PHLDB2: variants seen among roughly 807,000 people sequenced by gnomAD.
PHLDB2 encodes pleckstrin homology-like domain family B member 2.
A neutral mutation model predicts 123.6 loss-of-function variants in PHLDB2; 71 were observed. That is an observed-to-expected ratio of 0.57 (90% CI 0.47 to 0.70). PHLDB2 has a LOEUF of 0.70. PHLDB2 is among the 30% of genes least tolerant of loss of function. The probability of loss-of-function intolerance (pLI) is 0.00; values close to 1 mark genes in which losing one functional copy is unlikely to be tolerated. For synonymous variants in PHLDB2, 547 were observed against 541.6 expected (o/e 1.01, Z -0.14); for missense variants, 1,446 against 1,519.5 (o/e 0.95, Z 0.80).
chr3:111,955,196 A>C (rs1344602975), intron 12 of PHLDB2, among the ~76,000 whole-genome samples: 1 of 150,404 alleles, frequency 6.6e-6, no homozygotes, highest in Non-Finnish European at 1.5e-5. Flanking sequence ...TCATTACTAA[A>C]GGCGATTTAA....
chr3:111,902,830 C>T (rs1020579942), intron 2 of PHLDB2, among the ~76,000 whole-genome samples: 1 of 152,020 alleles, frequency 6.6e-6, no homozygotes, highest in African/African-American at 2.4e-5. Context: ...GTAGAGATGG[C>T]ATTTCACCAT....
chr3:111,904,602 G>GGGGAAGTA (rs1332626266), intron 2 of PHLDB2, among the ~76,000 whole-genome samples: 3 of 152,276 alleles, frequency 2.0e-5, no homozygotes, highest in African/African-American at 4.8e-5. Context: ...GGGTGTGAAA[G>GGGGAAGTA]GGGAAGTAGG....
At chr3:111,939,132 G>A (rs778580434) in intron 6 of PHLDB2, among the ~76,000 whole-genome samples, 3 of 152,096 alleles carry the variant, frequency 2.0e-5, no homozygotes, top group Non-Finnish European at 2.9e-5. Flanking sequence ...TTCTTGTAAC[G>A]CTATGTTACA....
At chr3:111,918,221 T>C (rs2068289517) in intron 3 of PHLDB2, among the ~76,000 whole-genome samples, 1 of 152,232 alleles carries the variant, frequency 6.6e-6, no homozygotes, top group Admixed American at 6.5e-5. Flanking sequence ...TATTGCCTTC[T>C]TCCCTGGCCA....
chr3:111,802,047 CAAT>C (rs1176841644), intron 1 of PHLDB2, among the ~76,000 whole-genome samples: 2 of 152,110 alleles, frequency 1.3e-5, no homozygotes, highest in African/African-American at 4.8e-5. Context: ...GAATGTAAAA[CAAT>C]AAATTAACCA....
At position 111,932,256 on chromosome 3, in the gene PHLDB2, T is replaced by C. The variant is rs2107572973; in HGVS notation, c.2002-13T>C. 19 of 1,549,866 alleles carry C rather than the reference T, an allele frequency of 1.2e-5. No homozygotes were observed. Among genetic ancestry groups the C allele is most frequent in the Non-Finnish European group, 1.7e-5 (19 of 1,146,128 alleles). The stretch of plus-strand genomic sequence containing the variant: ...GGTAATTTCTATTCTATTTTCTGGT[T>C]TCTGAACTTCAGGAGAAGGTAAAGC... On this transcript the variant is annotated splice_polypyrimidine_tract_variant and intron_variant, in intron 5 of 17. Transcript: ENST00000431670.
intron 5 of PHLDB2, among the ~76,000 whole-genome samples, chr3:111,929,932 G>A (rs1232641155): frequency 1.4e-5 from 2 of 145,114 alleles, no homozygotes; most frequent in East Asian, 4.0e-4. Flanking sequence ...TTTTTTTTGA[G>A]GCAGAGTCTC....
intron 6 of PHLDB2, among the ~76,000 whole-genome samples, chr3:111,938,184 A>AT (rs1220364273): frequency 1.3e-5 from 2 of 152,184 alleles, no homozygotes; most frequent in Non-Finnish European, 2.9e-5. Context: ...TCACTTTTCA[A>AT]TTTTTAAAAA....
At position 111,911,513 on chromosome 3, in the gene PHLDB2, A is replaced by T. The variant is rs1193667941; in HGVS notation, c.1336-1806A>T. ...AGTTTAAAATAAGGCAATGAAGGCT[A>T]TGTCCCCCCTGCTTCCTCCCTATAA... On this transcript the variant is annotated intron_variant, in intron 2 of 17. Coordinates refer to ENST00000431670, the MANE Select transcript of PHLDB2 (RefSeq NM_001134438.2). The T allele has an allele frequency of 5.1e-6, 5 of 987,716 alleles. No homozygotes were observed. The East Asian group carries it at 1.3e-4, about 26-fold the overall frequency. The allele number at this position is 987,716 out of a possible 1,614,324, so 61.2% of individuals were successfully genotyped here.
intron 6 of PHLDB2, among the ~76,000 whole-genome samples, 171 bp from the exon 7 acceptor site, chr3:111,939,304 A>G (rs2069715642): frequency 6.6e-6 from 1 of 152,202 alleles, no homozygotes; most frequent in Admixed American, 6.5e-5. Context: ...GATTCCCTCT[A>G]ACAGTCACGT....
chr3:111,744,300 A>G (rs556779113), intron 1 of PHLDB2, among the ~76,000 whole-genome samples: 1 of 152,334 alleles, frequency 6.6e-6, no homozygotes, highest in Admixed American at 6.5e-5. Flanking sequence ...GATGTTAATG[A>G]GCATGTGGGG....
intron 1 of PHLDB2, among the ~76,000 whole-genome samples, chr3:111,801,863 T>G (rs1311609422): frequency 7.9e-6 from 1 of 127,362 alleles, no homozygotes; most frequent in African/African-American, 2.8e-5. Context: ...GAGTGACTGC[T>G]CATGGATATG....
At chr3:111,918,686 T>A (rs1256011646) in intron 3 of PHLDB2, among the ~76,000 whole-genome samples, 1 of 152,174 alleles carries the variant, frequency 6.6e-6, no homozygotes, top group East Asian at 1.9e-4. Context: ...GCCCAAGAGA[T>A]CCCGAGGAAG....
At chr3:111,855,627 G>GTT (rs2064456100), upstream of PHLDB2, among the ~76,000 whole-genome samples, 1 of 80,846 alleles carries the variant, frequency 1.2e-5, no homozygotes. Context: ...GTCTGCATTT[G>GTT]TCTTTTTTTT....
intron 1 of PHLDB2, among the ~76,000 whole-genome samples, chr3:111,786,887 T>C (rs2060700124): frequency 6.6e-6 from 1 of 152,226 alleles, no homozygotes; most frequent in African/African-American, 2.4e-5. Flanking sequence ...CCTATTTTAA[T>C]AAACTCTGGC....
chr3:111,861,566 C>T (rs1400055939), intron 1 of PHLDB2, among the ~76,000 whole-genome samples: 2 of 152,126 alleles, frequency 1.3e-5, no homozygotes, highest in African/African-American at 2.4e-5. Context: ...AATTTGCAGG[C>T]CTCAATCTGT....
chr3:111,844,107 C>G (rs945115390), intron 1 of PHLDB2, among the ~76,000 whole-genome samples: 2 of 152,214 alleles, frequency 1.3e-5, no homozygotes, highest in Non-Finnish European at 2.9e-5. Flanking sequence ...AACACTCCAG[C>G]TGGATTCTTG....
chr3:111,749,860 A>G (rs2059740741), intron 1 of PHLDB2, among the ~76,000 whole-genome samples: 1 of 152,240 alleles, frequency 6.6e-6, no homozygotes, highest in South Asian at 2.1e-4. Flanking sequence ...TGCTAAATTC[A>G]AAGAAGGCAT....
At chr3:111,756,728 A>G (rs2059897122) in intron 1 of PHLDB2, among the ~76,000 whole-genome samples, 1 of 152,192 alleles carries the variant, frequency 6.6e-6, no homozygotes, top group African/African-American at 2.4e-5. Flanking sequence ...TAGTGGATGC[A>G]GTTTCTTCCT....
Sources: gnomAD v4.1 joint callset for allele counts (sites outside exome capture counted in the v4.1 genomes callset) on GRCh38, gnomAD v4.1.1 for gene constraint, MANE v1.5 for transcripts, NCBI Gene and HGNC (gene_info 2026-07-23, HGNC 2026-07-21) for gene names.